Variants in R3HDM1 observed in about 807,000 individuals in gnomAD.
R3HDM1 encodes R3H domain containing 1.
R3HDM1 carries 46 observed loss-of-function variants against 141.1 expected under a neutral mutation model. The observed-to-expected ratio is 0.33, with a 90% CI of 0.26 to 0.42. The LOEUF (loss-of-function observed/expected upper bound fraction) is 0.42. R3HDM1 is among the 10% of genes least tolerant of loss of function. R3HDM1 has a pLI of 1.00. For missense variants in R3HDM1, 1,184 were observed against 1,368.3 expected (o/e 0.87, Z 2.12); for synonymous variants, 435 against 472.9 (o/e 0.92, Z 1.04).
chr2:135,572,669 G>T (rs1326962779), intron 1 of R3HDM1, among the ~76,000 whole-genome samples: 2 of 152,192 alleles, frequency 1.3e-5, no homozygotes, highest in Admixed American at 1.3e-4. Context: ...ATAGGCAAGA[G>T]AAATGAAAAC....
intron 14 of R3HDM1, among the ~76,000 whole-genome samples, chr2:135,639,925 C>T (rs1275317699): frequency 6.6e-6 from 1 of 152,070 alleles, no homozygotes; most frequent in Non-Finnish European, 1.5e-5. Context: ...GGCAAAACCC[C>T]ATCTCTACTA....
intron 3 of R3HDM1, chr2:135,607,274 A>G (rs1232093776): frequency 1.0e-6 from 1 of 984,662 alleles, no homozygotes; most frequent in African/African-American, 1.7e-5. Flanking sequence ...GGCGTGAGCC[A>G]CCGCTGCTGG....
chr2:135,647,640 G>A (rs1051265260), intron 16 of R3HDM1, among the ~76,000 whole-genome samples: 1 of 152,114 alleles, frequency 6.6e-6, no homozygotes, highest in Non-Finnish European at 1.5e-5. Context: ...ATCAGATCCA[G>A]AAACAGAGAC....
rs760687442 is a variant in R3HDM1 at position 135,645,462 on chromosome 2, G to A, written c.1558G>A (p.Gly520Arg). ...ACAACCAGTTAGATCCCAAGTGCCT[G>A]GACCTCCACAGCCACCTCTGCCAGC... ...TQQPVRSQVP[G>R]PPQPPLPAPP... Residue 520 changes from glycine (G) to arginine (R), a missense_variant, in exon 16 of 27, where the codon GGA becomes AGA. By Grantham distance (125) the Gly-to-Arg change is moderately radical (BLOSUM62 -2). Transcript: ENST00000683871. The A allele has an allele frequency of 5.0e-6, 8 of 1,613,888 alleles. No individual in the cohort carries two copies. In the South Asian group the frequency reaches 8.8e-5, roughly 18 times the overall value.
intron 19 of R3HDM1, among the ~76,000 whole-genome samples, chr2:135,674,151 T>C (rs2068793827): frequency 6.6e-6 from 1 of 152,234 alleles, no homozygotes; most frequent in Non-Finnish European, 1.5e-5. Context: ...AGAAGATAGA[T>C]GCTAGATTTT....
At chr2:135,694,004 A>T (rs1026327255) in intron 21 of R3HDM1, among the ~76,000 whole-genome samples, 6 of 151,596 alleles carry the variant, frequency 4.0e-5, no homozygotes, top group Non-Finnish European at 8.8e-5. Context: ...AACTGCCTCA[A>T]AAAAAAAAGA....
At chr2:135,666,932 A>AAG (rs1305771631) in intron 19 of R3HDM1, 2 of 268,892 alleles carry the variant, frequency 7.4e-6, no homozygotes, top group East Asian at 1.8e-4. Flanking sequence ...AAAAAAAAAA[A>AAG]AAAAGAAAAC....
intron 1 of R3HDM1, chr2:135,531,836 T>C: frequency 5.1e-6 from 5 of 985,328 alleles, no homozygotes; most frequent in Non-Finnish European, 6.0e-6. Flanking sequence ...AGCCCGCCGT[T>C]AGGTCGGGTT....
At chr2:135,656,815 C>T (rs770991536) in intron 18 of R3HDM1, among the ~76,000 whole-genome samples, 2 of 152,222 alleles carry the variant, frequency 1.3e-5, no homozygotes, top group East Asian at 1.9e-4. Context: ...TATTGGCAGC[C>T]GGGCACAGTG....
intron 3 of R3HDM1, among the ~76,000 whole-genome samples, chr2:135,612,010 G>A (rs13385116): frequency 0.1 from 15,788 of 152,072 alleles, 2,659 homozygotes; most frequent in African/African-American, 0.36. Flanking sequence ...CATACTTTTC[G>A]TTAGAATCTA....
chr2:135,634,869 A>T (rs561015244), intron 9 of R3HDM1, among the ~76,000 whole-genome samples: 10 of 152,214 alleles, frequency 6.6e-5, no homozygotes, highest in Admixed American at 6.5e-4. Context: ...TTCCAGTTTT[A>T]TAATAGAATG....
chr2:135,552,309 C>T (rs1049232095), intron 1 of R3HDM1, among the ~76,000 whole-genome samples: 6 of 152,040 alleles, frequency 3.9e-5, no homozygotes, highest in African/African-American at 7.3e-5. Context: ...AATTCTCCCC[C>T]CTCAGCCTCC....
Position 135,680,318 on chromosome 2 carries a change from A to G in R3HDM1, c.2453A>G (p.Asn818Ser), listed in dbSNP as rs769172484. The change falls in exon 21 of 27, where the codon AAT becomes AGT. Residue 818 changes from asparagine to serine, a missense_variant. Around this residue, in one of 5 missense-constraint regions of R3HDM1, gnomAD observed 563 missense variants for 562.0 expected, o/e 1.00. Transcript: ENST00000683871. ...YSVIPPGQQN[N>S]LSSSVGYLQH... ...GTCATTCCACCTGGTCAACAAAACA[A>G]TTTAAGGTGAGTATGACTGAGTAAC... The G allele has an allele frequency of 9.3e-6, 15 of 1,613,814 alleles. No homozygotes were observed. The Admixed American group carries it at 2.2e-4, about 23-fold the overall frequency.
At position 135,724,052 on chromosome 2, in the gene R3HDM1, C is replaced by A. The variant is rs1351613256; in HGVS notation, c.3165C>A (p.Asp1055Glu). The A allele has an allele frequency of 1.2e-6, 2 of 1,613,802 alleles. No homozygotes were observed. Among genetic ancestry groups the A allele is most frequent in the East Asian group, 2.2e-5 (1 of 44,884 alleles). ...KIGAKIRWLR[D>E]PQSQPRRHPL... Reference sequence around the variant, plus strand: ...GCGCCAAGATCCGGTGGCTCCGGGACCCCCAGTCCCAACCACGTCGTCACC... The same window carrying A: ...GCGCCAAGATCCGGTGGCTCCGGGAACCCCAGTCCCAACCACGTCGTCACC... The change falls in exon 27 of 27, where the codon GAC (aspartate) becomes GAA (glutamate). Residue 1055 changes from aspartate to glutamate, a missense_variant. Coordinates refer to ENST00000683871, the MANE Select transcript of R3HDM1 (RefSeq NM_001378107.1).
At chr2:135,692,715 G>A (rs554992850) in intron 21 of R3HDM1, among the ~76,000 whole-genome samples, 5 of 152,174 alleles carry the variant, frequency 3.3e-5, no homozygotes, top group East Asian at 1.9e-4. Flanking sequence ...GTCCAGTAGC[G>A]GTCTTTGAAG....
intron 1 of R3HDM1, among the ~76,000 whole-genome samples, chr2:135,576,009 A>G (rs918487755): frequency 2.6e-5 from 4 of 152,212 alleles, no homozygotes; most frequent in Non-Finnish European, 5.9e-5. Context: ...AAGCTTCTAT[A>G]ATTGAATCTG....
At chr2:135,535,637 G>A (rs1695929978) in intron 1 of R3HDM1, among the ~76,000 whole-genome samples, 2 of 151,906 alleles carry the variant, frequency 1.3e-5, no homozygotes, top group South Asian at 2.1e-4. Context: ...CTTAATCCCC[G>A]AGACTTCCCA....
intron 1 of R3HDM1, among the ~76,000 whole-genome samples, chr2:135,601,809 C>T (rs2059639900): frequency 6.6e-6 from 1 of 152,052 alleles, no homozygotes; most frequent in East Asian, 1.9e-4. Flanking sequence ...ACTGCAGGTG[C>T]ACACCCCTAC....
chr2:135,690,729 GTTTC>G (rs2105378800), intron 21 of R3HDM1, among the ~76,000 whole-genome samples: 1 of 151,770 alleles, frequency 6.6e-6, no homozygotes, highest in Admixed American at 6.6e-5. Flanking sequence ...TTGTTTGTTT[GTTTC>G]TTTTTTTCTT....
Sources: gnomAD v4.1 joint callset for allele counts (sites outside exome capture counted in the v4.1 genomes callset) on GRCh38, gnomAD v4.1.1 for gene constraint, gnomAD v4.1.1 regional missense constraint, MANE v1.5 for transcripts, NCBI Gene and HGNC (gene_info 2026-07-23, HGNC 2026-07-21) for gene names.